LRRK2: variants seen among roughly 807,000 people sequenced by gnomAD.
LRRK2 encodes the protein leucine-rich repeat serine/threonine-protein kinase 2.
Under a neutral mutation model 302.6 loss-of-function variants are expected in LRRK2, and 203 were observed. The ratio of observed to expected loss-of-function variants is 0.67; its 90% CI spans 0.60 to 0.75. The LOEUF is 0.75. Among genes scored for constraint, LRRK2 ranks in the 30% least tolerant of loss-of-function variants. The probability of loss-of-function intolerance (pLI) is 0.00; values close to 1 mark genes in which losing one functional copy is unlikely to be tolerated. For synonymous variants in LRRK2, 1,066 were observed against 1,031.9 expected, an observed-to-expected ratio of 1.03 and a Z score of -0.63; for missense variants, 2,830 against 2,951.0, an observed-to-expected ratio of 0.96 and a Z score of 0.95.
intron 23 of LRRK2, among the ~76,000 whole-genome samples, chr12:40,296,469 A>G (rs2136726447): frequency 6.6e-6 from 1 of 152,140 alleles, no homozygotes; most frequent in Middle Eastern, 3.4e-3. Flanking sequence ...TGTCTCTACC[A>G]AAAATATGAA....
At position 40,319,979 on chromosome 12, in the gene LRRK2, A is replaced by T. The variant is rs199843206; in HGVS notation, c.4828-9A>T. 17 of 1,605,610 alleles carry T rather than the reference A, an allele frequency of 1.1e-5. No individual in the cohort carries two copies. Among genetic ancestry groups the T allele is most frequent in the Non-Finnish European group, 1.4e-5 (17 of 1,176,036 alleles). The stretch of plus-strand genomic sequence containing the variant: ...ATTTTAGTGATTATTTATGACTCGA[A>T]TCTTTCAGATTTTGACAGTGAAAGT... On this transcript the variant is annotated splice_polypyrimidine_tract_variant and intron_variant, in intron 33 of 50. Transcript: ENST00000298910.
At chr12:40,239,308 C>A (rs898988687) in intron 5 of LRRK2, among the ~76,000 whole-genome samples, 1 of 152,100 alleles carries the variant, frequency 6.6e-6, no homozygotes. Flanking sequence ...TAGTTTACAG[C>A]GAGTACGGAA....
At chr12:40,307,824 C>G (rs1362581325) in intron 28 of LRRK2, among the ~76,000 whole-genome samples, 2 of 147,760 alleles carry the variant, frequency 1.4e-5, no homozygotes, top group African/African-American at 5.0e-5. Context: ...TCTTGTCACC[C>G]AGGCTGGAGT....
rs1245113153 is a variant in LRRK2 at position 40,276,692 on chromosome 12, C to T, written c.1942-1196C>T. The stretch of plus-strand genomic sequence containing the variant: ...GTAGCATTCACTTGTTTTCAGAGAC[C>T]TCTGCTCTAGAGGCAGGTGGATCAC... On this transcript the variant is annotated intron_variant, in intron 16 of 50. Coordinates refer to ENST00000298910, the MANE Select transcript of LRRK2 (RefSeq NM_198578.4). Among the ~76,000 whole-genome samples the T allele has an allele frequency of 3.3e-5, 5 of 152,192 alleles. No homozygotes were observed. In the East Asian group the frequency reaches 9.6e-4, roughly 29 times the overall value.
At chr12:40,238,128 A>T in intron 5 of LRRK2, 25 bp downstream of exon 5, 1 of 1,609,996 alleles carries the variant, frequency 6.2e-7, no homozygotes, top group East Asian at 2.2e-5. Flanking sequence ...CAAATTCCTT[A>T]AAGTATATAT....
At chr12:40,294,699 A>C (rs961338683) in intron 21 of LRRK2, 146 bp from the exon 22 acceptor site, 39 of 507,198 alleles carry the variant, frequency 7.7e-5, no homozygotes, top group African/African-American at 6.6e-4. Flanking sequence ...TATCCTCATA[A>C]TTGGGTTCTT....
At chr12:40,267,913 A>C (rs1206690625) in intron 14 of LRRK2, among the ~76,000 whole-genome samples, 1 of 152,184 alleles carries the variant, frequency 6.6e-6, no homozygotes, top group Non-Finnish European at 1.5e-5. Context: ...AATGAATTAC[A>C]TTTTAATACA....
intron 32 of LRRK2, 61 bp from the exon 33 acceptor site, chr12:40,315,150 TA>T: frequency 7.2e-7 from 1 of 1,384,120 alleles, no homozygotes; most frequent in Non-Finnish European, 1.0e-6. Context: ...AGATTTTTTC[TA>T]AAGCCCCTTG....
At chr12:40,268,867 G>A (rs545023342) in intron 14 of LRRK2, among the ~76,000 whole-genome samples, 12 of 152,242 alleles carry the variant, frequency 7.9e-5, no homozygotes, top group Admixed American at 5.2e-4. Flanking sequence ...GATATTCCTC[G>A]ACTGCGGGAG....
At chr12:40,284,206 TG>T in intron 19 of LRRK2, 73 bp downstream of exon 19, 7 of 1,352,228 alleles carry the variant, frequency 5.2e-6, no homozygotes, top group Non-Finnish European at 6.1e-6. Flanking sequence ...AGTCTTTTAG[TG>T]GTTATTCATG....
In LRRK2 at chr12:40,310,422, T is replaced by C; in HGVS notation, c.4318-9T>C. ...CAAACACAAGAGGGTTTTGTGTCTT[T>C]CCCTCCAGGCTCGCGCTTCTTCTTC... On this transcript the variant is annotated splice_polypyrimidine_tract_variant and intron_variant, in intron 30 of 50. Transcript: ENST00000298910. 6.2e-7 allele frequency: 1 copy of C among 1,612,950 alleles called. No individual in the cohort carries two copies. The highest frequency in any genetic ancestry group is 8.5e-7 in the Non-Finnish European group (1 of 1,179,654).
chr12:40,235,545 A>T, intron 3 of LRRK2, 81 bp from the exon 4 acceptor site: 1 of 879,968 alleles, frequency 1.1e-6, no homozygotes, highest in East Asian at 2.5e-5. Flanking sequence ...AATAAAAAAT[A>T]GGTGAGCAAA....
intron 19 of LRRK2, 121 bp downstream of exon 19, chr12:40,284,254 G>T: frequency 1.2e-6 from 1 of 802,704 alleles, no homozygotes; most frequent in Non-Finnish European, 1.8e-6. Context: ...ATATTGCAAA[G>T]GTTTGGATTT....
intron 46 of LRRK2, among the ~76,000 whole-genome samples, chr12:40,358,050 G>A (rs912574479): frequency 3.3e-5 from 5 of 150,600 alleles, no homozygotes; most frequent in African/African-American, 7.3e-5. Flanking sequence ...TTACAGGCAT[G>A]AGCCACCATA....
intron 7 of LRRK2, among the ~76,000 whole-genome samples, chr12:40,248,129 G>A (rs1194414713): frequency 2.0e-5 from 3 of 152,006 alleles, no homozygotes; most frequent in Non-Finnish European, 1.5e-5. Context: ...ATTCAAAGTC[G>A]ATTTCTTAAA....
intron 13 of LRRK2, among the ~76,000 whole-genome samples, chr12:40,260,814 G>T (rs1177807273): frequency 6.6e-6 from 1 of 152,082 alleles, no homozygotes; most frequent in African/African-American, 2.4e-5. Context: ...ACAGATGGTT[G>T]GGAGATCTGT....
intron 43 of LRRK2, among the ~76,000 whole-genome samples, chr12:40,350,301 T>C (rs1292124573): frequency 6.6e-6 from 1 of 152,228 alleles, no homozygotes; most frequent in Non-Finnish European, 1.5e-5. Flanking sequence ...CACTTTGTCT[T>C]GGCAGACAAA....
chr12:40,259,675 A>G, intron 13 of LRRK2, 71 bp downstream of exon 13: 1 of 1,572,364 alleles, frequency 6.4e-7, no homozygotes, highest in East Asian at 2.3e-5. Flanking sequence ...TGAAATAGCA[A>G]TATTCTAGGC....
intron 28 of LRRK2, 113 bp from the exon 29 acceptor site, chr12:40,308,354 G>A: frequency 1.3e-6 from 1 of 751,654 alleles, no homozygotes; most frequent in Non-Finnish European, 2.2e-6. Context: ...TATGAGATAT[G>A]CACTCTTCTG....
Sources: allele counts gnomAD v4.1 joint callset (sites outside exome capture counted in the v4.1 genomes callset), GRCh38; gene constraint gnomAD v4.1.1; transcripts MANE v1.5; gene names NCBI Gene and HGNC (gene_info 2026-07-23, HGNC 2026-07-21).